PABPC1L: variants seen among roughly 807,000 people sequenced by gnomAD.
PABPC1L encodes the protein polyadenylate-binding protein 1-like.
In PABPC1L, 31 loss-of-function variants were observed where a neutral mutation model predicts 66.6. The ratio of observed to expected loss-of-function variants is 0.47; its 90% CI spans 0.35 to 0.63. The LOEUF (loss-of-function observed/expected upper bound fraction) is 0.63, where lower values mean the gene tolerates loss of function less well. Ranked by LOEUF, PABPC1L falls within the 20% of genes least tolerant of loss-of-function variation. The pLI, the probability that PABPC1L is intolerant of heterozygous loss-of-function variation, is 0.00. For synonymous variants in PABPC1L, 348 were observed against 335.1 expected (o/e 1.04, Z -0.42); for missense variants, 722 against 848.8 (o/e 0.85, Z 1.86).
In PABPC1L at chr20:44,910,119, C is replaced by T. The variant is rs761310244; in HGVS notation, c.-25C>T. 2.6e-6 allele frequency: 4 copies of T among 1,535,098 alleles called. No individual in the cohort carries two copies. Among genetic ancestry groups the T allele is most frequent in the Non-Finnish European group, 3.5e-6 (4 of 1,137,678 alleles). On this transcript the variant is annotated 5_prime_UTR_variant, in exon 1 of 15. Transcript: ENST00000217073. ...CTGGGTGACCCGGCTCCTGCTTGCC[C>T]CGCAGCCCCGGCCCCCTGCCCACCA...
rs1319652596 is a variant in PABPC1L at position 44,930,610 on chromosome 20, A to G, written c.1123A>G (p.Lys375Glu). The change falls in exon 8 of 15, where the codon AAG (lysine) becomes GAG (glutamate). Residue 375 changes from lysine (K) to glutamate (E), a missense_variant. By Grantham distance (56) the Lys-to-Glu change is moderately conservative. Coordinates refer to ENST00000217073, the MANE Select transcript of PABPC1L (RefSeq NM_001372179.1). ...ACTGGCCCAGCGCAAAGAGGAGCGG[A>G]AGGCCATCTTGACCAACCAGTACAT... Reference protein sequence around the residue: ...VALAQRKEERKAILTNQYMQR... With the variant: ...VALAQRKEEREAILTNQYMQR... The G allele has an allele frequency of 6.2e-7, 1 of 1,614,246 alleles. No individual in the cohort carries two copies. The highest frequency in any genetic ancestry group is 1.1e-5 in the South Asian group (1 of 91,088).
chr20:44,923,146 A>G (rs1485718090), intron 6 of PABPC1L, among the ~76,000 whole-genome samples: 2 of 152,238 alleles, frequency 1.3e-5, no homozygotes, highest in Admixed American at 6.5e-5. Context: ...TCAAGGTGCT[A>G]GAGGCAGCTG....
chr20:44,921,569 G>A (rs993060818), intron 5 of PABPC1L, 25 bp from the exon 6 acceptor site: 2 of 1,612,792 alleles, frequency 1.2e-6, no homozygotes, highest in East Asian at 4.5e-5. Flanking sequence ...TGGTTACCAA[G>A]CATGTTCCCT....
intron 3 of PABPC1L, 93 bp downstream of exon 3, chr20:44,916,964 T>C: frequency 1.6e-6 from 2 of 1,243,286 alleles, no homozygotes; most frequent in Non-Finnish European, 1.2e-6. Context: ...AAGCTGCTAA[T>C]GGGCACCAGG....
At position 44,930,699 on chromosome 20, in the gene PABPC1L, C is replaced by T; in HGVS notation, c.1212C>T (p.Ser404=). 1 of 1,613,874 alleles carries T rather than the reference C, an allele frequency of 6.2e-7. No homozygotes were observed. Residue 404 remains serine (S), a synonymous_variant, in exon 8 of 15, where the codon TCC becomes TCT. Coordinates refer to ENST00000217073, the MANE Select transcript of PABPC1L (RefSeq NM_001372179.1). ...NPLLGSFQQP[S]SYFLPAMPQP... The stretch of plus-strand genomic sequence containing the variant: ...TCCTGGGCTCCTTTCAGCAGCCCTC[C>T]AGCTACTTCCTGCCTGCCATGCCCC...
At chr20:44,921,448 T>G in intron 5 of PABPC1L, 146 bp from the exon 6 acceptor site, 1 of 1,206,962 alleles carries the variant, frequency 8.3e-7, no homozygotes, top group Non-Finnish European at 1.1e-6. Context: ...GTGGGTATAC[T>G]TAAATGGCCT....
intron 13 of PABPC1L, among the ~76,000 whole-genome samples, chr20:44,938,427 G>T (rs1245445786): frequency 2.6e-5 from 4 of 152,190 alleles, no homozygotes; most frequent in Non-Finnish European, 5.9e-5. Context: ...TTTGGTACAA[G>T]GAAGTGTGTT....
At chr20:44,921,752 GGCA>G in intron 6 of PABPC1L, 21 bp downstream of exon 6, 1 of 1,612,658 alleles carries the variant, frequency 6.2e-7, no homozygotes, top group Non-Finnish European at 8.5e-7. Flanking sequence ...GCTTCCTGGT[GGCA>G]GCCACTTCTG....
chr20:44,914,827 G>A (rs1287715155), intron 2 of PABPC1L, among the ~76,000 whole-genome samples: 1 of 152,210 alleles, frequency 6.6e-6, no homozygotes, highest in East Asian at 1.9e-4. Context: ...CTGGCATACT[G>A]TTAAGCTTCT....
chr20:44,919,145 TC>T, intron 4 of PABPC1L, 37 bp from the exon 5 acceptor site: 1 of 1,613,962 alleles, frequency 6.2e-7, no homozygotes, highest in Non-Finnish European at 8.5e-7. Flanking sequence ...CCTGAGGACT[TC>T]CCAGACTCCC....
At chr20:44,924,033 CGG>C (rs2066791858) in intron 6 of PABPC1L, 126 bp from the exon 7 acceptor site, 3 of 731,680 alleles carry the variant, frequency 4.1e-6, no homozygotes. Context: ...CTGAGGGAGA[CGG>C]GGAGCAGGAG....
At chr20:44,938,037 GC>G (rs1240010073) in intron 12 of PABPC1L, 23 bp from the exon 13 acceptor site, 4 of 1,613,916 alleles carry the variant, frequency 2.5e-6, no homozygotes, top group Non-Finnish European at 3.4e-6. Context: ...CCGTGCACAA[GC>G]CATTAGAAGG....
chr20:44,916,821 A>G lies in PABPC1L; in HGVS notation c.453A>G (p.Ala151=). ...TCCATTTTGAGACCCATGAGGCCGC[A>G]CAGCAGGCCATCAACACCATGAATG... is the stretch of plus-strand genomic sequence containing the variant. ...GFVHFETHEA[A]QQAINTMNGM... is the part of the protein sequence containing the mutation. The change falls in exon 3 of 15, where the codon GCA becomes GCG. Residue 151 remains alanine (A), a synonymous_variant. Coordinates refer to ENST00000217073, the MANE Select transcript of PABPC1L (RefSeq NM_001372179.1). The G allele has an allele frequency of 5.6e-6, 9 of 1,614,180 alleles. No homozygotes were observed. Among genetic ancestry groups the G allele is most frequent in the South Asian group, 1.1e-5 (1 of 91,080 alleles).
At chr20:44,930,041 T>G (rs1422709139) in intron 7 of PABPC1L, among the ~76,000 whole-genome samples, 1 of 152,128 alleles carries the variant, frequency 6.6e-6, no homozygotes, top group African/African-American at 2.4e-5. Context: ...AGTCACTCTT[T>G]CGAGTCTCTC....
intron 5 of PABPC1L, among the ~76,000 whole-genome samples, chr20:44,921,392 TC>T (rs2066772131): frequency 1.3e-5 from 2 of 151,484 alleles, no homozygotes; most frequent in Non-Finnish European, 1.5e-5. Flanking sequence ...AGATGATCCG[TC>T]CCCCTCGGCC....
At chr20:44,911,280 A>G (rs958044614) in intron 1 of PABPC1L, among the ~76,000 whole-genome samples, 7 of 152,144 alleles carry the variant, frequency 4.6e-5, no homozygotes, top group Non-Finnish European at 8.8e-5. Context: ...CCTGGCCAAC[A>G]TAGCGAAACC....
In PABPC1L at chr20:44,919,264, A is replaced by G. The variant is rs1181921455; in HGVS notation, c.725A>G (p.Glu242Gly). The G allele has an allele frequency of 6.2e-7, 1 of 1,614,190 alleles. No homozygotes were observed. The highest frequency in any genetic ancestry group is 1.7e-5 in the Admixed American group (1 of 60,016). The change falls in exon 5 of 15, where the codon GAG (glutamate) becomes GGG (glycine). Residue 242 changes from glutamate (E) to glycine (G), a missense_variant. By Grantham distance (98) the Glu-to-Gly change is moderately conservative. This residue lies in a region of PABPC1L where 137 missense variants were observed against 216.8 expected (regional missense o/e 0.63). Coordinates refer to ENST00000217073, the MANE Select transcript of PABPC1L (RefSeq NM_001372179.1). ...GGCTTTGTCAACTTTGAGAAGCATG[A>G]GGAAGCCCAGAAGGTAGGAGCCTCC... ...CFGFVNFEKH[E>G]EAQKAVVHMN...
At chr20:44,936,580 A>G (rs751675774) in intron 11 of PABPC1L, 57 bp from the exon 12 acceptor site, 10 of 1,414,466 alleles carry the variant, frequency 7.1e-6, no homozygotes, top group Non-Finnish European at 9.6e-6. Context: ...CAGGGTAAGT[A>G]TTTTGAGGAC....
chr20:44,916,112 C>T (rs545374985), intron 2 of PABPC1L, among the ~76,000 whole-genome samples: 19 of 152,190 alleles, frequency 1.2e-4, no homozygotes, highest in South Asian at 4.2e-4. Flanking sequence ...TTGATGAATA[C>T]CCCGGTTGTT....
Sources: allele counts gnomAD v4.1 joint callset (sites outside exome capture counted in the v4.1 genomes callset), GRCh38; gene constraint gnomAD v4.1.1; regional missense constraint gnomAD v4.1.1; transcripts MANE v1.5; gene names NCBI Gene and HGNC (gene_info 2026-07-23, HGNC 2026-07-21).